The following USP32 variants were observed in gnomAD, a reference collection of about 807,000 sequenced individuals.
USP32 encodes ubiquitin specific peptidase 32, also known as ubiquitin carboxyl-terminal hydrolase 32.
A neutral mutation model predicts 204.8 loss-of-function variants in USP32; 59 were observed. The ratio of observed to expected loss-of-function variants is 0.29; its 90% CI spans 0.23 to 0.36. The LOEUF is 0.36. Ranked by LOEUF, USP32 falls within the 10% of genes least tolerant of loss-of-function variation. The pLI is 1.00. For missense variants in USP32, 1,160 were observed against 1,946.4 expected, an observed-to-expected ratio of 0.60 and a Z score of 7.60; for synonymous variants, 517 against 678.4, an observed-to-expected ratio of 0.76 and a Z score of 3.70.
At chr17:60,408,717 C>T (rs1276815608) in intron 1 of USP32, among the ~76,000 whole-genome samples, 1 of 152,086 alleles carries the variant, frequency 6.6e-6, no homozygotes, top group Non-Finnish European at 1.5e-5. Context: ...TGTGAGTTTT[C>T]AGTTGCTATG....
At chr17:60,304,217 G>A (rs913695944) in intron 2 of USP32, among the ~76,000 whole-genome samples, 1 of 151,350 alleles carries the variant, frequency 6.6e-6, no homozygotes, top group Non-Finnish European at 1.5e-5. Context: ...AATTATAGCT[G>A]GATTATCATC....
intron 1 of USP32, among the ~76,000 whole-genome samples, chr17:60,348,849 C>T (rs1300280386): frequency 6.6e-6 from 1 of 151,820 alleles, no homozygotes; most frequent in African/African-American, 2.4e-5. Context: ...AGGGGGGGTT[C>T]ATGGTTCAGC....
chr17:60,390,508 A>G (rs73322611), intron 1 of USP32, among the ~76,000 whole-genome samples: 139 of 152,354 alleles, frequency 9.1e-4, no homozygotes, highest in African/African-American at 3.2e-3. Flanking sequence ...GAGATTGTCC[A>G]TAAAAACAAT....
intron 2 of USP32, among the ~76,000 whole-genome samples, chr17:60,315,444 C>T (rs906061224): frequency 1.3e-5 from 2 of 151,980 alleles, no homozygotes; most frequent in Non-Finnish European, 2.9e-5. Flanking sequence ...GAATAAATAA[C>T]AAGAATGTAA....
intron 5 of USP32, among the ~76,000 whole-genome samples, chr17:60,279,627 A>G (rs1431595552): frequency 6.6e-6 from 1 of 151,918 alleles, no homozygotes; most frequent in Non-Finnish European, 1.5e-5. Context: ...ACTAGAGCCC[A>G]GGAGTTTGAG....
intron 2 of USP32, among the ~76,000 whole-genome samples, chr17:60,311,418 T>C (rs9901066): frequency 0.056 from 8,501 of 152,218 alleles, 825 homozygotes; most frequent in African/African-American, 0.19. Context: ...GTCATCCCAG[T>C]AAATAATATG....
chr17:60,212,225 A>T (rs547046776), intron 18 of USP32, 127 bp from the exon 19 acceptor site: 1 of 775,868 alleles, frequency 1.3e-6, no homozygotes, highest in Non-Finnish European at 2.1e-6. Context: ...ATTTTAGTAC[A>T]TACATTGCTT....
In USP32 at chr17:60,204,813, C is replaced by T. The variant is rs543993055; in HGVS notation, c.3249+634G>A. 2.0e-5 allele frequency among the ~76,000 whole-genome samples: 3 copies of T among 151,636 alleles called. No individual in the cohort carries two copies. In the South Asian group the frequency reaches 6.3e-4, roughly 32 times the overall value. On this transcript the variant is annotated intron_variant, in intron 26 of 33. Transcript: ENST00000300896. Reference sequence around the variant, plus strand: ...TTTCTTTTTCAGACAGGGTCTTGCCCAGCCTGGAATGTGTGGGGCAAGCAA... The same window carrying T: ...TTTCTTTTTCAGACAGGGTCTTGCCTAGCCTGGAATGTGTGGGGCAAGCAA...
At chr17:60,306,417 C>T (rs540098057) in intron 2 of USP32, among the ~76,000 whole-genome samples, 1 of 152,222 alleles carries the variant, frequency 6.6e-6, no homozygotes, top group South Asian at 2.1e-4. Flanking sequence ...GGGGGTGGAT[C>T]ATTTGAGGTC....
chr17:60,199,968 G>A (rs1473263115), intron 26 of USP32, among the ~76,000 whole-genome samples: 1 of 152,138 alleles, frequency 6.6e-6, no homozygotes, highest in Non-Finnish European at 1.5e-5. Context: ...GGCCGAGGCG[G>A]GCGGATCATG....
intron 17 of USP32, 73 bp downstream of exon 17, chr17:60,214,547 A>T: frequency 6.7e-7 from 1 of 1,488,860 alleles, no homozygotes; most frequent in Non-Finnish European, 9.0e-7. Flanking sequence ...GAAGTTTAGC[A>T]AATTTCTTTT....
intron 1 of USP32, among the ~76,000 whole-genome samples, chr17:60,372,328 A>AT (rs1053745350): frequency 6.6e-6 from 1 of 152,176 alleles, no homozygotes; most frequent in African/African-American, 2.4e-5. Flanking sequence ...TCGTTAGGTG[A>AT]TTTCATCATT....
chr17:60,376,765 G>A (rs1178397357), intron 1 of USP32, among the ~76,000 whole-genome samples: 3 of 151,844 alleles, frequency 2.0e-5, no homozygotes, highest in Non-Finnish European at 2.9e-5. Flanking sequence ...CAAGTGATCC[G>A]CCCGACTCCA....
At chr17:60,182,676 T>C (rs958932411) in intron 31 of USP32, among the ~76,000 whole-genome samples, 35 of 152,118 alleles carry the variant, frequency 2.3e-4, no homozygotes, top group African/African-American at 6.0e-4. Context: ...GGTGGGAGGA[T>C]TGATTGACCC....
upstream of USP32, among the ~76,000 whole-genome samples, chr17:60,393,716 C>T (rs111492991): frequency 6.6e-6 from 1 of 150,990 alleles, no homozygotes; most frequent in Non-Finnish European, 1.5e-5. Context: ...CGGAGTTTCA[C>T]CCCTGTTGCC....
chr17:60,259,143 T>A (rs183489065), intron 9 of USP32, among the ~76,000 whole-genome samples: 1 of 152,148 alleles, frequency 6.6e-6, no homozygotes, highest in Non-Finnish European at 1.5e-5. Context: ...TTCCTTTAGC[T>A]CCCTTTACAC....
intron 9 of USP32, among the ~76,000 whole-genome samples, chr17:60,264,857 C>CCA (rs2086548345): frequency 2.3e-5 from 1 of 43,514 alleles, no homozygotes; most frequent in African/African-American, 8.7e-5. Context: ...AAGACTCTGT[C>CCA]AAAAAAAAAA....
chr17:60,187,092 C>T (rs1453701981), intron 29 of USP32, among the ~76,000 whole-genome samples: 1 of 152,146 alleles, frequency 6.6e-6, no homozygotes, highest in Non-Finnish European at 1.5e-5. Flanking sequence ...CATGAATTTC[C>T]CTTCCTGAAA....
chr17:60,422,152 C>A (rs963010863), intron 1 of USP32: 6 of 294,118 alleles, frequency 2.0e-5, no homozygotes, highest in Non-Finnish European at 3.0e-5. Context: ...AAGAATTTTA[C>A]AAACTGTGCT....
Sources: allele counts gnomAD v4.1 joint callset (sites outside exome capture counted in the v4.1 genomes callset), GRCh38; gene constraint gnomAD v4.1.1; transcripts MANE v1.5; gene names NCBI Gene and HGNC (gene_info 2026-07-23, HGNC 2026-07-21).